Variants in DNAAF9 observed in about 807,000 individuals in gnomAD.
The protein encoded by DNAAF9 is shulin.
Under a neutral mutation model 167.0 loss-of-function variants are expected in DNAAF9, and 90 were observed. The ratio of observed to expected loss-of-function variants is 0.54; its 90% confidence interval spans 0.45 to 0.64. DNAAF9 has a LOEUF of 0.64. DNAAF9 is among the 30% of genes least tolerant of loss of function. DNAAF9 has a pLI of 0.00. For missense variants in DNAAF9, 1,315 were observed against 1,442.2 expected (o/e 0.91, Z 1.43); for synonymous variants, 491 against 508.8 (o/e 0.96, Z 0.47).
chr20:3,394,575 T>C (rs2083872592), intron 1 of DNAAF9, among the ~76,000 whole-genome samples: 1 of 152,240 alleles, frequency 6.6e-6, no homozygotes, highest in South Asian at 2.1e-4. Context: ...TATGTTGGTT[T>C]ATAAAAAACA....
At chr20:3,395,311 TG>T (rs1011742233) in intron 1 of DNAAF9, among the ~76,000 whole-genome samples, 1 of 148,988 alleles carries the variant, frequency 6.7e-6, no homozygotes, top group Non-Finnish European at 1.5e-5. Context: ...GAGACAGCCT[TG>T]ATCTGTTGCC....
intron 1 of DNAAF9, among the ~76,000 whole-genome samples, chr20:3,397,297 G>A (rs1279402162): frequency 1.4e-5 from 2 of 142,620 alleles, no homozygotes; most frequent in Non-Finnish European, 1.5e-5. Context: ...ATGGATAGAT[G>A]ATTATTTCTT....
chr20:3,395,868 C>T (rs2083899908), intron 1 of DNAAF9, among the ~76,000 whole-genome samples: 1 of 152,038 alleles, frequency 6.6e-6, no homozygotes. Flanking sequence ...TACGGTTTGC[C>T]TGTGTCCCCA....
chr20:3,315,637 T>C lies in DNAAF9; in HGVS notation c.1590+98A>G. The C allele has an allele frequency of 2.1e-6, 2 of 943,200 alleles. No homozygotes were observed. Among genetic ancestry groups the C allele is most frequent in the Admixed American group, 3.5e-5 (2 of 57,786 alleles). 58.4% of individuals were successfully genotyped at this position (943,200 alleles called of 1,614,324 possible). ...GTGAAGACAACATAGTGCAAGTCTT[T>C]TAGATTAGTAGTGAGATGAAGCATT... On this transcript the variant is annotated intron_variant, in intron 19 of 36. Transcript: ENST00000252032. This position sits in a 1 kb window ranked among gnomAD's most constrained non-coding sequence, Gnocchi z 4.1.
chr20:3,359,447 A>T, intron 7 of DNAAF9, 69 bp downstream of exon 7: 1 of 984,994 alleles, frequency 1.0e-6, no homozygotes, highest in Non-Finnish European at 1.6e-6. Flanking sequence ...TCTTCAAATT[A>T]AAGATCACTA....
chr20:3,389,282 G>A (rs929264705), intron 1 of DNAAF9, among the ~76,000 whole-genome samples: 3 of 150,840 alleles, frequency 2.0e-5, no homozygotes, highest in African/African-American at 7.3e-5. Context: ...AGTAGCTGGG[G>A]CTACAGGTGC....
rs1234826050 is a variant in DNAAF9, at chr20:3,315,080, T to C, written c.1631A>G (p.Glu544Gly). 3 of 1,611,772 alleles carry C rather than the reference T, an allele frequency of 1.9e-6. No individual in the cohort carries two copies. The highest frequency in any genetic ancestry group is 1.3e-5 in the African/African-American group (1 of 74,828). Residue 544 changes from glutamate to glycine, a missense_variant, in exon 20 of 37, where the codon GAA (glutamate) becomes GGA (glycine). Glu to Gly is a moderately conservative substitution (Grantham distance 98, BLOSUM62 -2). Coordinates refer to ENST00000252032, the MANE Select transcript of DNAAF9 (RefSeq NM_001009984.3). The surrounding 1 kb of genome is among the most constrained non-coding windows in gnomAD (Gnocchi z 4.1). Reference sequence around the variant, plus strand: ...ATTGCTGGAATAAAGATATGCTCCTTCTCCTCCTGTTAGATAAGTGCCCAG... The same window carrying C: ...ATTGCTGGAATAAAGATATGCTCCTCCTCCTCCTGTTAGATAAGTGCCCAG... ...SFLGTYLTGG[E>G]GAYLYSSNLQ...
chr20:3,383,988 G>C (rs897623090), intron 1 of DNAAF9, among the ~76,000 whole-genome samples: 19 of 151,476 alleles, frequency 1.3e-4, no homozygotes, highest in Non-Finnish European at 1.6e-4. Context: ...TTAGTAAGAA[G>C]GTTTCACCAT....
In DNAAF9 at chr20:3,294,195, G is replaced by T; in HGVS notation, c.2182C>A (p.Pro728Thr). 1 of 1,613,536 alleles carries T rather than the reference G, an allele frequency of 6.2e-7. No individual in the cohort carries two copies. Residue 728 changes from proline (P) to threonine (T), a missense_variant, in exon 25 of 37, where the codon CCT becomes ACT. By Grantham distance (38) the Pro-to-Thr change is conservative (BLOSUM62 -1). Around this residue, in one of 2 missense-constraint regions of DNAAF9, gnomAD observed 981 missense variants for 1,012.5 expected, o/e 0.97. Coordinates refer to ENST00000252032, the MANE Select transcript of DNAAF9 (RefSeq NM_001009984.3). Reference sequence around the variant, plus strand: ...ATTTCAGCTTGCTGCAGCAGCACAGGAAGATGGGTCCGCATCACAGGCTCC... The same window carrying T: ...ATTTCAGCTTGCTGCAGCAGCACAGTAAGATGGGTCCGCATCACAGGCTCC... ...SQEPVMRTHL[P>T]VLLQQAEINT...
intron 16 of DNAAF9, among the ~76,000 whole-genome samples, chr20:3,321,732 C>T (rs559727901): frequency 1.3e-5 from 2 of 152,004 alleles, no homozygotes; most frequent in Admixed American, 6.6e-5. Flanking sequence ...CCACACCTGC[C>T]TAATTAAAAA....
intron 29 of DNAAF9, among the ~76,000 whole-genome samples, chr20:3,276,705 G>A (rs2068680701): frequency 6.6e-6 from 1 of 152,198 alleles, no homozygotes; most frequent in African/African-American, 2.4e-5. Context: ...AGAATGCCAA[G>A]GAGCTGAGGT....
Position 3,296,898 on chromosome 20 carries a change from T to C in DNAAF9, c.1981A>G (p.Ile661Val). ...TCCACAGATAATCCATCTTCCTGGA[T>C]CACTTTTAAAGAGATCCCTGAGTTA... ...QDNSGISLKVIQEDGLSVEQK... is the reference protein window; with the variant it reads ...QDNSGISLKVVQEDGLSVEQK... Residue 661 changes from isoleucine (I) to valine (V), a missense_variant, in exon 23 of 37, where the codon ATC becomes GTC. This residue lies in a region of DNAAF9 where 981 missense variants were observed against 1,012.5 expected (regional missense o/e 0.97). Coordinates refer to ENST00000252032, the MANE Select transcript of DNAAF9 (RefSeq NM_001009984.3). 1 of 1,611,976 alleles carries C rather than the reference T, an allele frequency of 6.2e-7. No individual in the cohort carries two copies. Among genetic ancestry groups the C allele is most frequent in the Non-Finnish European group, 8.5e-7 (1 of 1,178,150 alleles).
chr20:3,402,004 G>C (rs1323578262), intron 1 of DNAAF9, among the ~76,000 whole-genome samples: 1 of 152,150 alleles, frequency 6.6e-6, no homozygotes, highest in Non-Finnish European at 1.5e-5. Context: ...CATAAAACGG[G>C]CATGTGAGGT....
intron 1 of DNAAF9, among the ~76,000 whole-genome samples, chr20:3,385,548 C>T (rs1488465076): frequency 1.3e-4 from 20 of 152,062 alleles, no homozygotes; most frequent in Admixed American, 1.3e-3. Flanking sequence ...ACCTCAGCCT[C>T]CCAAGTAGCT....
chr20:3,394,407 G>A (rs2083870366), intron 1 of DNAAF9, among the ~76,000 whole-genome samples: 1 of 150,684 alleles, frequency 6.6e-6, no homozygotes, highest in South Asian at 2.1e-4. Context: ...TCTAGATTTT[G>A]TTTATAGTCT....
intron 7 of DNAAF9, among the ~76,000 whole-genome samples, chr20:3,353,643 C>G (rs866307863): frequency 5.9e-5 from 8 of 135,896 alleles, no homozygotes; most frequent in South Asian, 5.7e-4. Flanking sequence ...ACCACCCCCC[C>G]CCCCGCAAAA....
intron 20 of DNAAF9, among the ~76,000 whole-genome samples, chr20:3,310,993 C>T (rs951371789): frequency 5.3e-5 from 8 of 151,966 alleles, no homozygotes; most frequent in Admixed American, 2.0e-4. Flanking sequence ...CTGGCCTCAT[C>T]AAAAAAAGCC....
chr20:3,334,096 G>A (rs2069891933), intron 10 of DNAAF9, among the ~76,000 whole-genome samples: 1 of 152,082 alleles, frequency 6.6e-6, no homozygotes, highest in South Asian at 2.1e-4. Flanking sequence ...GTATTCAAAG[G>A]AAGATTTTGA....
chr20:3,359,129 C>A (rs2083327324), intron 7 of DNAAF9, among the ~76,000 whole-genome samples: 2 of 152,152 alleles, frequency 1.3e-5, no homozygotes, highest in South Asian at 4.1e-4. Flanking sequence ...AAAGTTTGCC[C>A]CCCGGGCTCT....
Sources: gnomAD v4.1 joint callset for allele counts (sites outside exome capture counted in the v4.1 genomes callset) on GRCh38, gnomAD v4.1.1 for gene constraint, gnomAD v4.1.1 regional missense constraint, Gnocchi (gnomAD v3.1) non-coding constraint, MANE v1.5 for transcripts, NCBI Gene and HGNC (gene_info 2026-07-23, HGNC 2026-07-21) for gene names.